The following SPATS2L variants were observed in gnomAD, a reference collection of about 807,000 sequenced individuals.
SPATS2L encodes the protein spermatogenesis associated serine rich 2 like.
SPATS2L carries 30 observed loss-of-function variants against 59.6 expected under a neutral mutation model. The observed-to-expected ratio is 0.50, with a 90% CI of 0.38 to 0.68. The LOEUF (loss-of-function observed/expected upper bound fraction) is 0.68. Among genes scored for constraint, SPATS2L ranks in the 30% least tolerant of loss-of-function variants. The pLI is 0.00. For missense variants in SPATS2L, 615 were observed against 700.0 expected (o/e 0.88, Z 1.37); for synonymous variants, 252 against 263.5 (o/e 0.96, Z 0.42).
intron 3 of SPATS2L, among the ~76,000 whole-genome samples, chr2:200,396,969 T>C (rs1162337499): frequency 6.6e-6 from 1 of 152,230 alleles, no homozygotes; most frequent in African/African-American, 2.4e-5. Context: ...GCTGTTACTG[T>C]TGCTTGGCAA....
intron 1 of SPATS2L, among the ~76,000 whole-genome samples, chr2:200,320,019 T>C: frequency 6.6e-6 from 1 of 152,212 alleles, no homozygotes; most frequent in East Asian, 1.9e-4. Context: ...TACTTTGTCG[T>C]TGATAAAATG....
chr2:200,321,785 A>G (rs1481768062), intron 1 of SPATS2L, among the ~76,000 whole-genome samples: 2 of 152,330 alleles, frequency 1.3e-5, no homozygotes, highest in Non-Finnish European at 1.5e-5. Context: ...TCCAGGTTAT[A>G]TGCTATGTTC....
chr2:200,336,394 A>C (rs1425850244), intron 2 of SPATS2L, among the ~76,000 whole-genome samples: 1 of 152,198 alleles, frequency 6.6e-6, no homozygotes, highest in Non-Finnish European at 1.5e-5. Flanking sequence ...ACAATAATAC[A>C]TGTATATGAA....
At chr2:200,431,993 C>T (rs1475387263) in intron 6 of SPATS2L, among the ~76,000 whole-genome samples, 2 of 152,182 alleles carry the variant, frequency 1.3e-5, no homozygotes, top group African/African-American at 4.8e-5. Flanking sequence ...GCAGGCACTG[C>T]AGCTGAGTGT....
intron 1 of SPATS2L, among the ~76,000 whole-genome samples, chr2:200,327,956 C>T (rs1422860551): frequency 6.6e-6 from 1 of 152,188 alleles, no homozygotes; most frequent in East Asian, 1.9e-4. Context: ...TAAGTACCAG[C>T]TGAGTTCTTG....
chr2:200,325,078 G>A (rs959381821), intron 1 of SPATS2L, among the ~76,000 whole-genome samples: 1 of 152,024 alleles, frequency 6.6e-6, no homozygotes, highest in Non-Finnish European at 1.5e-5. Flanking sequence ...ACCTTCAGAG[G>A]AAAAGGATGA....
chr2:200,419,646 G>A (rs1180401041), intron 6 of SPATS2L, 150 bp downstream of exon 6: 4 of 821,708 alleles, frequency 4.9e-6, no homozygotes, highest in Non-Finnish European at 5.6e-6. Context: ...CAGGATTGGG[G>A]GTGAAGGGGA....
intron 2 of SPATS2L, among the ~76,000 whole-genome samples, chr2:200,354,178 TTA>T (rs2080831735): frequency 6.6e-6 from 1 of 152,172 alleles, no homozygotes; most frequent in Non-Finnish European, 1.5e-5. Flanking sequence ...ACCATGGAAT[TTA>T]GTGAAGGCTC....
chr2:200,358,584 G>A (rs1468136407), intron 2 of SPATS2L, among the ~76,000 whole-genome samples: 1 of 130,414 alleles, frequency 7.7e-6, no homozygotes, highest in Admixed American at 9.3e-5. Flanking sequence ...TACACACAAA[G>A]GTGATATTTC....
chr2:200,379,842 A>G (rs1361014438), intron 2 of SPATS2L, among the ~76,000 whole-genome samples: 2 of 152,196 alleles, frequency 1.3e-5, no homozygotes, highest in Non-Finnish European at 2.9e-5. Context: ...GAGGATGGGC[A>G]TATTTTAAAG....
intron 1 of SPATS2L, among the ~76,000 whole-genome samples, chr2:200,318,278 C>G (rs936382357): frequency 9.9e-5 from 15 of 152,128 alleles, no homozygotes; most frequent in African/African-American, 3.6e-4. Context: ...GTTTATTTCT[C>G]CTGTGGAATC....
At position 200,473,030 on chromosome 2, in the gene SPATS2L, A is replaced by G. The variant is rs2087181877; in HGVS notation, c.1259A>G (p.Gln420Arg). Residue 420 changes from glutamine (Q) to arginine (R), a missense_variant, in exon 12 of 13, where the codon CAG (glutamine) becomes CGG (arginine). Transcript: ENST00000409140. ...SLPSTADPSHQTMPANKQNGS... is the reference protein window; with the variant it reads ...SLPSTADPSHRTMPANKQNGS... ...CCCAGCACCGCCGACCCCTCTCACC[A>G]GACCATGCCGGCCAACAAGCAGGTA... 1 of 1,613,412 alleles carries G rather than the reference A, an allele frequency of 6.2e-7. No individual in the cohort carries two copies.
rs733055 is a variant in SPATS2L at position 200,479,437 on chromosome 2, G to A, written c.*1406G>A. 99,754 of 397,440 alleles carry A rather than the reference G, an allele frequency of 0.25. 14,863 individuals are homozygous for A. Among genetic ancestry groups the A allele is most frequent in the Non-Finnish European group, 0.31 (70,635 of 225,900 alleles). The allele number at this position is 397,440 out of a possible 1,614,324, so 24.6% of individuals were successfully genotyped here. On this transcript the variant is annotated 3_prime_UTR_variant, in exon 13 of 13. Coordinates refer to ENST00000409140, the MANE Select transcript of SPATS2L (RefSeq NM_001100423.2). ...CTGTCTCTTAAACCAATCATGAAAG[G>A]GGGGAGAGAAGTGAATGGGATGAAC...
chr2:200,342,155 C>G (rs948867475), intron 2 of SPATS2L, among the ~76,000 whole-genome samples: 7 of 152,198 alleles, frequency 4.6e-5, no homozygotes, highest in Admixed American at 4.6e-4. Flanking sequence ...CACTAACTAT[C>G]ACTCACTGTG....
intron 1 of SPATS2L, among the ~76,000 whole-genome samples, chr2:200,307,581 A>T (rs2079066450): frequency 6.6e-6 from 1 of 151,976 alleles, no homozygotes; most frequent in South Asian, 2.1e-4. Flanking sequence ...GGGCGGGGGG[A>T]CCCCGGAGTC....
At chr2:200,451,105 G>A (rs1488890619) in intron 8 of SPATS2L, among the ~76,000 whole-genome samples, 2 of 152,120 alleles carry the variant, frequency 1.3e-5, no homozygotes, top group African/African-American at 4.8e-5. Context: ...GATTGCTTGA[G>A]GCCAGGAGTT....
At chr2:200,308,673 G>C (rs1331399221) in intron 1 of SPATS2L, among the ~76,000 whole-genome samples, 1 of 152,060 alleles carries the variant, frequency 6.6e-6, no homozygotes, top group Non-Finnish European at 1.5e-5. Context: ...AGCCCCAAAA[G>C]ATAATTTGCA....
chr2:200,363,964 T>G (rs1416798469), intron 2 of SPATS2L, among the ~76,000 whole-genome samples: 1 of 152,126 alleles, frequency 6.6e-6, no homozygotes, highest in Non-Finnish European at 1.5e-5. Flanking sequence ...GGGGCAACAT[T>G]GCCCCCAAGG....
intron 2 of SPATS2L, among the ~76,000 whole-genome samples, chr2:200,348,261 C>A (rs2080587439): frequency 1.3e-5 from 2 of 152,096 alleles, no homozygotes; most frequent in African/African-American, 4.8e-5. Flanking sequence ...GTTGTCCTGT[C>A]TTTGGTATGA....
Sources: allele counts gnomAD v4.1 joint callset (sites outside exome capture counted in the v4.1 genomes callset), GRCh38; gene constraint gnomAD v4.1.1; transcripts MANE v1.5; gene names NCBI Gene and HGNC (gene_info 2026-07-23, HGNC 2026-07-21).